The following ZNF385D variants were observed in gnomAD, a reference collection of about 807,000 sequenced individuals.
The protein encoded by ZNF385D is zinc finger protein 385D.
ZNF385D carries 15 observed loss-of-function variants against 35.8 expected under a neutral mutation model. That is an observed-to-expected ratio of 0.42 (90% confidence interval 0.28 to 0.64). The LOEUF (loss-of-function observed/expected upper bound fraction) is 0.64, where lower values mean the gene tolerates loss of function less well. Ranked by LOEUF, ZNF385D falls within the 30% of genes least tolerant of loss-of-function variation. The pLI is 0.23. For synonymous variants in ZNF385D, 212 were observed against 186.8 expected (o/e 1.13, Z -1.10); for missense variants, 474 against 494.6 (o/e 0.96, Z 0.39).
chr3:21,424,318 T>TATATATATA (rs375587956), intron 6 of ZNF385D, among the ~76,000 whole-genome samples: 86 of 41,812 alleles, frequency 2.1e-3, no homozygotes, highest in African/African-American at 8.2e-3. Flanking sequence ...TATATATATA[T>TATATATATA]TTTTTTTTTT....
intron 3 of ZNF385D, among the ~76,000 whole-genome samples, chr3:22,083,820 G>A (rs542834329): frequency 7.8e-4 from 119 of 152,226 alleles, no homozygotes; most frequent in African/African-American, 2.8e-3. Flanking sequence ...AAATGTTAAG[G>A]GCAGCCAGAG....
chr3:21,950,099 ATTTCT>A (rs1701993010), intron 3 of ZNF385D, among the ~76,000 whole-genome samples: 1 of 148,950 alleles, frequency 6.7e-6, no homozygotes, highest in Non-Finnish European at 1.5e-5. Context: ...GTTAAATGGT[ATTTCT>A]GGTTCTAGAT....
At chr3:21,759,476 A>G (rs146384476) in intron 3 of ZNF385D, among the ~76,000 whole-genome samples, 1 of 152,310 alleles carries the variant, frequency 6.6e-6, no homozygotes, top group African/African-American at 2.4e-5. Flanking sequence ...TATTTGACAG[A>G]CAGTGTAGGA....
intron 2 of ZNF385D, among the ~76,000 whole-genome samples, chr3:22,307,134 G>T (rs961319153): frequency 2.0e-5 from 3 of 152,048 alleles, no homozygotes; most frequent in Non-Finnish European, 4.4e-5. Flanking sequence ...AAAAGGAGTT[G>T]AATCCTAAAA....
At chr3:21,639,217 G>A (rs1384026456) in intron 2 of ZNF385D, among the ~76,000 whole-genome samples, 1 of 151,694 alleles carries the variant, frequency 6.6e-6, no homozygotes, top group African/African-American at 2.4e-5. Flanking sequence ...TTTTTTTCCA[G>A]AGCAGTAAGC....
chr3:21,471,822 CAG>C (rs373181653), intron 4 of ZNF385D, among the ~76,000 whole-genome samples: 3 of 152,056 alleles, frequency 2.0e-5, no homozygotes, highest in Admixed American at 6.6e-5. Flanking sequence ...ATTAAAATCT[CAG>C]AGAGACAAAG....
chr3:21,464,275 A>T (rs951035225), intron 4 of ZNF385D, among the ~76,000 whole-genome samples: 1 of 152,206 alleles, frequency 6.6e-6, no homozygotes, highest in Non-Finnish European at 1.5e-5. Context: ...TTTGTTAAAT[A>T]TGTAATGTTA....
chr3:22,018,991 T>G (rs1697055786), intron 3 of ZNF385D, among the ~76,000 whole-genome samples: 1 of 149,832 alleles, frequency 6.7e-6, no homozygotes, highest in Non-Finnish European at 1.5e-5. Context: ...ATTGCTATAT[T>G]ACTTCTTTAC....
At chr3:21,437,797 A>G (rs1454523593) in intron 4 of ZNF385D, among the ~76,000 whole-genome samples, 1 of 151,838 alleles carries the variant, frequency 6.6e-6, no homozygotes, top group Admixed American at 6.6e-5. Flanking sequence ...AAGAGTTACA[A>G]TTCAACACAA....
At chr3:22,045,594 C>T (rs1698946732) in intron 3 of ZNF385D, among the ~76,000 whole-genome samples, 1 of 152,040 alleles carries the variant, frequency 6.6e-6, no homozygotes, top group African/African-American at 2.4e-5. Context: ...TAACAGCACC[C>T]GCATAGTGTA....
chr3:21,651,918 G>A (rs1462675930), intron 2 of ZNF385D, among the ~76,000 whole-genome samples: 2 of 152,074 alleles, frequency 1.3e-5, no homozygotes, highest in African/African-American at 4.8e-5. Flanking sequence ...TAATTAAAGG[G>A]CAGTGCTAGG....
intron 3 of ZNF385D, among the ~76,000 whole-genome samples, chr3:21,988,500 C>A (rs1189436237): frequency 1.4e-5 from 2 of 142,964 alleles, no homozygotes; most frequent in Non-Finnish European, 3.1e-5. Context: ...GGGTCAGGGA[C>A]CCACTTGAGG....
intron 2 of ZNF385D, among the ~76,000 whole-genome samples, chr3:22,206,910 G>C (rs1015780831): frequency 6.6e-6 from 1 of 151,606 alleles, no homozygotes. Context: ...AAGAAATAAA[G>C]ATCAGCATAG....
rs576065441 is a variant in ZNF385D, at chr3:21,973,639, C to T, written c.325+195178G>A. Among the ~76,000 whole-genome samples the T allele has an allele frequency of 2.6e-5, 4 of 152,034 alleles. No homozygotes were observed. In the South Asian group the frequency reaches 8.3e-4, roughly 31 times the overall value. ...GGAAAAGGAAAGAAGTAAAATTATC[C>T]TTGTTTGCAGATGATATGATTTTAT... On this transcript the variant is annotated intron_variant, in intron 3 of 5. Transcript: ENST00000494108.
At chr3:22,043,132 C>G (rs1037743469) in intron 3 of ZNF385D, among the ~76,000 whole-genome samples, 2 of 152,088 alleles carry the variant, frequency 1.3e-5, no homozygotes, top group Non-Finnish European at 2.9e-5. Context: ...TTACAAACAA[C>G]AAGGCAGAAA....
At chr3:22,030,425 T>C (rs904651988) in intron 3 of ZNF385D, among the ~76,000 whole-genome samples, 4 of 149,778 alleles carry the variant, frequency 2.7e-5, no homozygotes, top group African/African-American at 9.9e-5. Flanking sequence ...GATAAGCAAG[T>C]AACTTTTTTA....
chr3:21,821,825 G>T lies in ZNF385D; in HGVS notation c.326-156797C>A, dbSNP rs114801937. Among the ~76,000 whole-genome samples the T allele has an allele frequency of 3.5e-3, 538 of 151,856 alleles. 2 individuals are homozygous for T. Among genetic ancestry groups the T allele is most frequent in the African/African-American group, 0.012 (508 of 41,424 alleles). The stretch of plus-strand genomic sequence containing the variant: ...AATTTTTTTTAAATTAACCAGGCAC[G>T]GTAGCACGTTCCTGCCTGCAGTCCC... On this transcript the variant is annotated intron_variant, in intron 3 of 5. Transcript: ENST00000494108.
Position 21,983,167 on chromosome 3 carries a change from A to ATT in ZNF385D, c.325+185648_325+185649dup, listed in dbSNP as rs370511511. The stretch of plus-strand genomic sequence containing the variant: ...TTATTTTATTTTATTTTATTTTATT[A>ATT]TTTTTTTTTATTATACTTTAAGTTT... On this transcript the variant is annotated intron_variant, in intron 3 of 5. Coordinates refer to the ZNF385D transcript ENST00000494108. 3.6e-4 allele frequency among the ~76,000 whole-genome samples: 38 copies of ATT among 106,130 alleles called. 1 individual carries two copies. The highest frequency in any genetic ancestry group is 1.1e-3 in the African/African-American group (23 of 20,882). The allele number at this position is 106,130 out of a possible 152,430, so 69.6% of individuals were successfully genotyped here.
intron 2 of ZNF385D, among the ~76,000 whole-genome samples, chr3:22,298,532 A>G (rs1702730448): frequency 6.9e-6 from 1 of 144,542 alleles, no homozygotes; most frequent in Non-Finnish European, 1.5e-5. Flanking sequence ...TAATATATAT[A>G]CATAAAACAT....
Sources: gnomAD v4.1 joint callset for allele counts (sites outside exome capture counted in the v4.1 genomes callset) on GRCh38, gnomAD v4.1.1 for gene constraint, MANE v1.5 for transcripts, NCBI Gene and HGNC (gene_info 2026-07-23, HGNC 2026-07-21) for gene names.